The following MYO5C variants were observed in gnomAD, a reference collection of about 807,000 sequenced individuals.
MYO5C encodes the protein myosin VC.
MYO5C carries 194 observed loss-of-function variants against 235.7 expected under a neutral mutation model. The ratio of observed to expected loss-of-function variants is 0.82; its 90% CI spans 0.73 to 0.93. The LOEUF (loss-of-function observed/expected upper bound fraction) is 0.93. Among genes scored for constraint, MYO5C ranks in the 40% least tolerant of loss-of-function variants. The pLI is 0.00. For missense variants in MYO5C, 2,038 were observed against 2,127.2 expected (o/e 0.96, Z 0.82); for synonymous variants, 707 against 754.8 (o/e 0.94, Z 1.04).
At chr15:52,271,317 C>G (rs1362980565) in intron 7 of MYO5C, among the ~76,000 whole-genome samples, 2 of 151,796 alleles carry the variant, frequency 1.3e-5, no homozygotes, top group Admixed American at 6.6e-5. Flanking sequence ...CAACCTCCAT[C>G]TCCCGGGTTC....
chr15:52,282,973 C>T (rs3751624), intron 1 of MYO5C, 81 bp from the exon 2 acceptor site: 155,630 of 902,972 alleles, frequency 0.17, 14,742 homozygotes, highest in African/African-American at 0.29. Flanking sequence ...AGGAAGGTTT[C>T]TTTCTGTGCA....
chr15:52,248,948 A>G (rs1177185937), intron 13 of MYO5C, among the ~76,000 whole-genome samples, 165 bp from the exon 14 acceptor site: 2 of 152,206 alleles, frequency 1.3e-5, no homozygotes, highest in African/African-American at 2.4e-5. Context: ...CCCATTATGT[A>G]TAAGCTGGGA....
chr15:52,271,700 G>C lies in MYO5C; in HGVS notation c.832+63C>G, dbSNP rs2036928679. 4 of 935,496 alleles carry C rather than the reference G, an allele frequency of 4.3e-6. No individual in the cohort carries two copies. In the East Asian group the frequency reaches 1.1e-4, roughly 26 times the overall value. 57.9% of individuals were successfully genotyped at this position (935,496 alleles called of 1,614,324 possible). On this transcript the variant is annotated intron_variant, in intron 7 of 40. Coordinates refer to ENST00000261839, the MANE Select transcript of MYO5C (RefSeq NM_018728.4). The stretch of plus-strand genomic sequence containing the variant: ...ACAAATATATTACTATAAGAAGAAA[G>C]TTAACCTAGAATTTAAGCCCTCCAT...
chr15:52,264,206 T>C lies in MYO5C; in HGVS notation c.1031A>G (p.Glu344Gly), dbSNP rs200785449. ...GNVQITAVGN[E>G]RSSVSEDDSH... is the part of the protein sequence containing the mutation. ...GCATCTCACACTAACTGAGGACCTC[T>C]CGTTGCCCACCGCGGTGATCTGCAC... The change falls in exon 9 of 41, where the codon GAG becomes GGG. Residue 344 changes from glutamate (E) to glycine (G), a missense_variant. Physicochemically the swap from Glu to Gly is moderately conservative, Grantham distance 98. Transcript: ENST00000261839. 503 of 1,613,064 alleles carry C rather than the reference T, an allele frequency of 3.1e-4. 2 individuals carry two copies. The African/African-American group carries it at 5.3e-3, about 17-fold the overall frequency.
intron 38 of MYO5C, among the ~76,000 whole-genome samples, chr15:52,201,418 A>G (rs1566959001): frequency 6.6e-6 from 1 of 152,320 alleles, no homozygotes. Flanking sequence ...CCAGAATTCT[A>G]CATCCTACAA....
chr15:52,208,442 T>G, intron 36 of MYO5C, 112 bp downstream of exon 36: 1 of 904,080 alleles, frequency 1.1e-6, no homozygotes, highest in South Asian at 1.7e-5. Context: ...CAACAGATAA[T>G]GTGCTGTTGG....
intron 7 of MYO5C, among the ~76,000 whole-genome samples, chr15:52,271,118 G>GT (rs2036915811): frequency 1.3e-5 from 2 of 152,160 alleles, no homozygotes; most frequent in South Asian, 4.1e-4. Flanking sequence ...TAATAAGTGG[G>GT]TTAACATGTC....
intron 26 of MYO5C, 65 bp downstream of exon 26, chr15:52,225,374 G>T: frequency 7.5e-7 from 1 of 1,329,042 alleles, no homozygotes; most frequent in Non-Finnish European, 1.1e-6. Flanking sequence ...CGTTTCCTTA[G>T]CAGCGACACA....
At chr15:52,227,105 G>T (rs1440873917) in intron 25 of MYO5C, among the ~76,000 whole-genome samples, 3 of 151,700 alleles carry the variant, frequency 2.0e-5, no homozygotes, top group African/African-American at 7.3e-5. Flanking sequence ...AGCCAAGATG[G>T]TGCCATTGCA....
chr15:52,266,250 G>GGA (rs2036809038), intron 8 of MYO5C, among the ~76,000 whole-genome samples: 1 of 152,160 alleles, frequency 6.6e-6, no homozygotes. Context: ...ATGCCAGCCT[G>GGA]AATCAGATTT....
At chr15:52,286,333 C>CT (rs1566995691) in intron 1 of MYO5C, among the ~76,000 whole-genome samples, 2 of 150,080 alleles carry the variant, frequency 1.3e-5, no homozygotes, top group African/African-American at 4.9e-5. Context: ...GTCAGCCCCC[C>CT]GCCCGGCCAG....
chr15:52,258,957 C>G (rs1263308108), intron 10 of MYO5C, among the ~76,000 whole-genome samples: 1 of 152,172 alleles, frequency 6.6e-6, no homozygotes, highest in Non-Finnish European at 1.5e-5. Context: ...TCCCCACCCT[C>G]TGCTAACCTC....
intron 9 of MYO5C, among the ~76,000 whole-genome samples, chr15:52,263,456 T>G (rs1381693548): frequency 6.6e-6 from 1 of 152,148 alleles, no homozygotes; most frequent in Non-Finnish European, 1.5e-5. Context: ...GATGTCTGAT[T>G]CAAGCAGGTG....
intron 32 of MYO5C, 79 bp downstream of exon 32, chr15:52,218,440 T>C (rs991367837): frequency 7.4e-7 from 1 of 1,353,786 alleles, no homozygotes; most frequent in Admixed American, 1.9e-5. Context: ...GTTAATCATA[T>C]GCTTTAGGTG....
In MYO5C at chr15:52,267,263, G is replaced by A. The variant is rs187050452; in HGVS notation, c.940+2490C>T. Among the ~76,000 whole-genome samples, 24 of 152,364 alleles carry A rather than the reference G, an allele frequency of 1.6e-4. No individual in the cohort carries two copies. In the East Asian group the frequency reaches 4.6e-3, roughly 29 times the overall value. ...GGCTTTGGACAATTGGGAATGTAGA[G>A]AGCTAGCAGGCAGGGAGTAGCAGTT... is the stretch of plus-strand genomic sequence containing the variant. On this transcript the variant is annotated intron_variant, in intron 8 of 40. Coordinates refer to ENST00000261839, the MANE Select transcript of MYO5C (RefSeq NM_018728.4).
intron 39 of MYO5C, among the ~76,000 whole-genome samples, chr15:52,196,022 A>C (rs2035043604): frequency 7.9e-6 from 1 of 126,690 alleles, no homozygotes; most frequent in Non-Finnish European, 1.6e-5. Flanking sequence ...TGTTGCCCAG[A>C]CTAGTCTCAA....
Position 52,214,587 on chromosome 15 carries a change from A to G in MYO5C, c.4042+16T>C. On this transcript the variant is annotated intron_variant, in intron 33 of 40. Transcript: ENST00000261839. ...CCTTAGCTCAAAAGAATAAGAAAACAAGTATTGTTTCTTACCTTTTCCAAT... is the reference window on the plus strand; with the variant it reads ...CCTTAGCTCAAAAGAATAAGAAAACGAGTATTGTTTCTTACCTTTTCCAAT... The G allele has an allele frequency of 6.4e-7, 1 of 1,555,964 alleles. No homozygotes were observed. Among genetic ancestry groups the G allele is most frequent in the South Asian group, 1.2e-5 (1 of 83,558 alleles).
chr15:52,241,740 G>GTA (rs1366017926), intron 20 of MYO5C, among the ~76,000 whole-genome samples: 2 of 69,938 alleles, frequency 2.9e-5, no homozygotes, highest in Admixed American at 1.5e-4. Context: ...GTGTGTGTGT[G>GTA]TGTGTGTGTG....
chr15:52,206,688 G>T (rs1235042050), intron 36 of MYO5C, among the ~76,000 whole-genome samples: 1 of 152,164 alleles, frequency 6.6e-6, no homozygotes, highest in East Asian at 1.9e-4. Context: ...CTGGCACCCT[G>T]ATCTCAGATG....
Sources: allele counts gnomAD v4.1 joint callset (sites outside exome capture counted in the v4.1 genomes callset), GRCh38; gene constraint gnomAD v4.1.1; transcripts MANE v1.5; gene names NCBI Gene and HGNC (gene_info 2026-07-23, HGNC 2026-07-21).